The following CCDC14 variants were observed in gnomAD, a reference collection of about 807,000 sequenced individuals.
CCDC14 encodes coiled-coil domain containing 14, also known as coiled-coil domain-containing protein 14.
A neutral mutation model predicts 81.4 loss-of-function variants in CCDC14; 71 were observed. That is an observed-to-expected ratio of 0.87 (90% CI 0.72 to 1.06). CCDC14 has a LOEUF of 1.06. Among genes scored for constraint, CCDC14 ranks in the 50% least tolerant of loss-of-function variants. The pLI, the probability that CCDC14 is intolerant of heterozygous loss-of-function variation, is 0.00. For synonymous variants in CCDC14, 332 were observed against 364.8 expected (o/e 0.91, Z 1.03); for missense variants, 1,046 against 1,047.3 (o/e 1.00, Z 0.02).
intron 5 of CCDC14, among the ~76,000 whole-genome samples, chr3:123,905,336 G>A (rs747665451): frequency 2.6e-5 from 4 of 152,142 alleles, no homozygotes; most frequent in Non-Finnish European, 4.4e-5. Context: ...TCTTCTCCCC[G>A]CACATTGTTC....
intron 5 of CCDC14, among the ~76,000 whole-genome samples, chr3:123,949,904 T>C (rs1330160394): frequency 6.6e-6 from 1 of 152,216 alleles, no homozygotes; most frequent in Non-Finnish European, 1.5e-5. Context: ...CTGCCTTATA[T>C]TGCTTATCTT....
chr3:123,929,397 A>G (rs1577261053), intron 12 of CCDC14, among the ~76,000 whole-genome samples: 1 of 151,734 alleles, frequency 6.6e-6, no homozygotes, highest in Non-Finnish European at 1.5e-5. Flanking sequence ...CGCAGCTTCC[A>G]CCTCCTGGGC....
chr3:123,912,360 G>A (rs1427423849), downstream of CCDC14, among the ~76,000 whole-genome samples: 3 of 152,120 alleles, frequency 2.0e-5, no homozygotes, highest in Non-Finnish European at 4.4e-5. Context: ...ATCTAAAGAC[G>A]ACGACTGAGA....
chr3:123,939,973 T>G (rs2700384), intron 9 of CCDC14, among the ~76,000 whole-genome samples: 14 of 151,904 alleles, frequency 9.2e-5, no homozygotes, highest in African/African-American at 3.4e-4. Context: ...TTATTGCCAC[T>G]GAAATGTACA....
At chr3:123,957,893 T>C (rs558374835) in intron 1 of CCDC14, 26 of 152,130 alleles carry the variant, frequency 1.7e-4, no homozygotes, top group Non-Finnish European at 3.5e-4. Context: ...CAGTTTTATT[T>C]ATAATTTCTC....
intron 5 of CCDC14, among the ~76,000 whole-genome samples, chr3:123,950,820 A>G (rs2036971185): frequency 6.6e-6 from 1 of 152,220 alleles, no homozygotes; most frequent in Non-Finnish European, 1.5e-5. Flanking sequence ...TTAAAAATTT[A>G]AAAGTAGAGA....
the CCDC14 span, among the ~76,000 whole-genome samples, chr3:123,892,185 C>T: frequency 1.3e-5 from 2 of 152,220 alleles, no homozygotes; most frequent in African/African-American, 4.8e-5. Context: ...GGTGAGGACA[C>T]AGAGCCAAAC....
chr3:123,895,370 T>G (rs1224692993), downstream of CCDC14, among the ~76,000 whole-genome samples: 1 of 152,172 alleles, frequency 6.6e-6, no homozygotes, highest in Non-Finnish European at 1.5e-5. Context: ...ATGTCACAAT[T>G]TATTAATCTT....
At chr3:123,954,080 C>T (rs1577335487) in intron 5 of CCDC14, 1 of 152,268 alleles carries the variant, frequency 6.6e-6, no homozygotes, top group Non-Finnish European at 1.5e-5. Context: ...CTGCCAGTCA[C>T]ATATATTGCA....
intron 12 of CCDC14, among the ~76,000 whole-genome samples, chr3:123,918,635 T>G (rs1214376518): frequency 6.6e-6 from 1 of 152,148 alleles, no homozygotes; most frequent in Non-Finnish European, 1.5e-5. Flanking sequence ...GGCCTGCAGT[T>G]TCTACCACAG....
At chr3:123,944,284 A>G (rs1007428891) in intron 9 of CCDC14, among the ~76,000 whole-genome samples, 3 of 152,142 alleles carry the variant, frequency 2.0e-5, no homozygotes, top group Non-Finnish European at 4.4e-5. Flanking sequence ...AGACCTTTCT[A>G]TTAGGCAGGG....
chr3:123,911,309 A>C (rs753020789), downstream of CCDC14, among the ~76,000 whole-genome samples: 17 of 152,200 alleles, frequency 1.1e-4, no homozygotes, highest in Non-Finnish European at 2.2e-4. Flanking sequence ...TAATATTAAT[A>C]CATCCAGAAA....
At chr3:123,896,502 G>C (rs192726116), downstream of CCDC14, among the ~76,000 whole-genome samples, 133 of 152,114 alleles carry the variant, frequency 8.7e-4, no homozygotes, top group Middle Eastern at 3.4e-3. Context: ...CAACAACATG[G>C]GTGAACCTAG....
At chr3:123,935,796 C>A (rs1161145572) in intron 9 of CCDC14, among the ~76,000 whole-genome samples, 1 of 152,188 alleles carries the variant, frequency 6.6e-6, no homozygotes, top group Non-Finnish European at 1.5e-5. Context: ...CGTAACCAAT[C>A]TAAACTTCTA....
chr3:123,915,295 A>T lies in CCDC14; in HGVS notation c.2202T>A (p.Phe734Leu). The T allele has an allele frequency of 6.2e-7, 1 of 1,613,976 alleles. No homozygotes were observed. Among genetic ancestry groups the T allele is most frequent in the Non-Finnish European group, 8.5e-7 (1 of 1,179,902 alleles). ...HNLDNTIYIP[F>L]ARSTPEKKSP... is the part of the protein sequence containing the mutation. ...ATTTCTTTTCAGGAGTGCTTCTAGC[A>T]AAAGGAATGTAAATTGTATTATCCA... Residue 734 changes from phenylalanine (F) to leucine (L), a missense_variant, in exon 13 of 13, where the codon TTT becomes TTA. Transcript: ENST00000409697.
chr3:123,932,902 C>T (rs1034353400), intron 10 of CCDC14, among the ~76,000 whole-genome samples: 2 of 151,958 alleles, frequency 1.3e-5, no homozygotes, highest in Non-Finnish European at 2.9e-5. Flanking sequence ...AGTTCAAGAC[C>T]AGCCTGGCCA....
the CCDC14 span, among the ~76,000 whole-genome samples, chr3:123,886,356 C>CT: frequency 0.012 from 1,717 of 142,338 alleles, 42 homozygotes; most frequent in African/African-American, 0.041. Flanking sequence ...CTTTTTCTTT[C>CT]TTTTTTTCTT....
At chr3:123,933,796 G>T in intron 9 of CCDC14, 41 bp from the exon 10 acceptor site, 1 of 1,376,006 alleles carries the variant, frequency 7.3e-7, no homozygotes, top group Non-Finnish European at 1.0e-6. Flanking sequence ...AGCATACCAA[G>T]CCAATTTAAT....
chr3:123,957,849 C>G (rs3772209), intron 1 of CCDC14: 72,238 of 151,800 alleles, frequency 0.48, 19,282 homozygotes, highest in Non-Finnish European at 0.63. Flanking sequence ...TGATTCCCCC[C>G]CTAGTTCCAC....
Sources: allele counts gnomAD v4.1 joint callset (sites outside exome capture counted in the v4.1 genomes callset), GRCh38; gene constraint gnomAD v4.1.1; transcripts MANE v1.5; gene names NCBI Gene and HGNC (gene_info 2026-07-23, HGNC 2026-07-21).